PPIG: variants seen among roughly 807,000 people sequenced by gnomAD.
PPIG encodes the protein peptidyl-prolyl cis-trans isomerase G.
Under a neutral mutation model 87.9 loss-of-function variants are expected in PPIG, and 26 were observed. That is an observed-to-expected ratio of 0.30 (90% CI 0.22 to 0.41). The LOEUF (loss-of-function observed/expected upper bound fraction) is 0.41. PPIG is among the 10% of genes least tolerant of loss of function. PPIG has a pLI of 1.00. For synonymous variants in PPIG, 308 were observed against 276.5 expected (o/e 1.11, Z -1.13); for missense variants, 722 against 879.4 (o/e 0.82, Z 2.26).
intron 12 of PPIG, chr2:169,633,649 A>G (rs772730230): frequency 1.1e-4 from 25 of 219,712 alleles, no homozygotes; most frequent in Non-Finnish European, 2.1e-4. Context: ...AAACTTGGCT[A>G]TACTTTCCTG....
At chr2:169,616,846 G>A (rs1195317939) in intron 9 of PPIG, among the ~76,000 whole-genome samples, 1 of 152,106 alleles carries the variant, frequency 6.6e-6, no homozygotes, top group East Asian at 1.9e-4. Context: ...AAGCTCTTTA[G>A]TTTAATTAAA....
intron 9 of PPIG, among the ~76,000 whole-genome samples, chr2:169,627,989 C>T (rs1574461980): frequency 6.6e-6 from 1 of 151,806 alleles, no homozygotes; most frequent in Non-Finnish European, 1.5e-5. Context: ...ATTTTTTCCC[C>T]CTGCATATCC....
At chr2:169,597,741 CA>C (rs1413982421) in intron 1 of PPIG, among the ~76,000 whole-genome samples, 1 of 152,096 alleles carries the variant, frequency 6.6e-6, no homozygotes, top group Non-Finnish European at 1.5e-5. Context: ...TCAGGTGATC[CA>C]CTTGCCTTGA....
At chr2:169,592,565 G>A (rs9287916) in intron 1 of PPIG, among the ~76,000 whole-genome samples, 107,180 of 151,798 alleles carry the variant, frequency 0.71, 38,145 homozygotes, top group East Asian at 0.85. Context: ...CGGCCTCCCA[G>A]AGTGCTGGGA....
intron 4 of PPIG, among the ~76,000 whole-genome samples, chr2:169,605,473 A>G (rs968653564): frequency 1.3e-5 from 2 of 152,106 alleles, no homozygotes; most frequent in African/African-American, 4.8e-5. Flanking sequence ...ACTGCACTCC[A>G]GCCTGGGCGA....
In PPIG at chr2:169,601,624, A is replaced by G. The variant is rs1685186753; in HGVS notation, c.-69-2018A>G. Among the ~76,000 whole-genome samples the G allele has an allele frequency of 2.6e-5, 4 of 152,326 alleles. No individual in the cohort carries two copies. In the South Asian group the frequency reaches 8.3e-4, roughly 32 times the overall value. On this transcript the variant is annotated intron_variant, in intron 1 of 13. Transcript: ENST00000260970. Reference sequence around the variant, plus strand: ...GCATTCCAGGTGGAGAGAACAGCAAATGTAAAGGACCTGATGAAAGAGTAG... The same window carrying G: ...GCATTCCAGGTGGAGAGAACAGCAAGTGTAAAGGACCTGATGAAAGAGTAG...
rs989438202 is a variant in PPIG at position 169,639,631 on chromosome 2, A to T, written c.*2108A>T. ...CGCATTATTTATAGTCCTTATTTTA[A>T]AGTTTTATTAGCTCTCTTTACAGAA... On this transcript the variant is annotated 3_prime_UTR_variant, in exon 14 of 14. Coordinates refer to ENST00000260970, the MANE Select transcript of PPIG (RefSeq NM_004792.3). 1 of 152,140 alleles carries T rather than the reference A, an allele frequency of 6.6e-6. No individual in the cohort carries two copies. The highest frequency in any genetic ancestry group is 1.5e-5 in the Non-Finnish European group (1 of 67,974). The allele number at this position is 152,140 out of a possible 1,614,324, so 9.4% of individuals were successfully genotyped here.
Position 169,638,108 on chromosome 2 carries a change from G to A in PPIG, c.*585G>A, listed in dbSNP as rs897858619. On this transcript the variant is annotated 3_prime_UTR_variant, in exon 14 of 14. Transcript: ENST00000260970. ...TCTATTCTTTATAGTTCGAGCCATA[G>A]CTTGTTTCCTATTAATGCTTTTCCT... The A allele has an allele frequency of 2.6e-5, 4 of 152,036 alleles. No homozygotes were observed. Among genetic ancestry groups the A allele is most frequent in the Non-Finnish European group, 4.4e-5 (3 of 67,962 alleles). The allele number at this position is 152,036 out of a possible 1,614,324, so 9.4% of individuals were successfully genotyped here. A position where few individuals can be genotyped will look rare whatever the true frequency, so the allele number is the denominator to read the frequency against.
rs1427463157 is a variant in PPIG at position 169,640,996 on chromosome 2, TCTGA to T, written c.*3476_*3479del. 4 of 152,218 alleles carry T rather than the reference TCTGA, an allele frequency of 2.6e-5. No individual in the cohort carries two copies. Among genetic ancestry groups the T allele is most frequent in the African/African-American group, 7.2e-5 (3 of 41,462 alleles). The allele number at this position is 152,218 out of a possible 1,614,324, so 9.4% of individuals were successfully genotyped here. ...GGGAGTGGTGGGGTGGATTTGTGTT[TCTGA>T]CTTTTTTTCTTTAAGCAAATTCCAT... On this transcript the variant is annotated 3_prime_UTR_variant, in exon 14 of 14. Transcript: ENST00000260970.
At chr2:169,630,373 G>A (rs2105518007) in intron 9 of PPIG, among the ~76,000 whole-genome samples, 1 of 152,182 alleles carries the variant, frequency 6.6e-6, no homozygotes, top group East Asian at 1.9e-4. Flanking sequence ...CCATGTTGCT[G>A]TAAAGCAGTT....
intron 9 of PPIG, among the ~76,000 whole-genome samples, chr2:169,620,575 C>G (rs1475533624): frequency 6.6e-6 from 1 of 151,942 alleles, no homozygotes; most frequent in Non-Finnish European, 1.5e-5. Flanking sequence ...GGCTAGATGG[C>G]AATTCAAGAG....
chr2:169,606,873 T>A lies in PPIG; in HGVS notation c.245-231T>A, dbSNP rs114828704. ...TAATTAGAATCTGAAAGTTCTTTTT[T>A]AAAATATATTTTAATAGTCTTCGTC... On this transcript the variant is annotated intron_variant, in intron 5 of 13. Coordinates refer to ENST00000260970, the MANE Select transcript of PPIG (RefSeq NM_004792.3). Among the ~76,000 whole-genome samples, 881 of 152,292 alleles carry A rather than the reference T, an allele frequency of 5.8e-3. 4 individuals carry two copies. Among genetic ancestry groups the A allele is most frequent in the Non-Finnish European group, 9.9e-3 (676 of 68,010 alleles).
Position 169,630,968 on chromosome 2 carries a change from C to A in PPIG, c.742C>A (p.Arg248=). The change falls in exon 10 of 14, where the codon CGA becomes AGA. Residue 248 remains arginine (R), a synonymous_variant. Coordinates refer to ENST00000260970, the MANE Select transcript of PPIG (RefSeq NM_004792.3). The stretch of plus-strand genomic sequence containing the variant: ...AAAACACAAGAAAGAAAAGAAAAAG[C>A]GAAAGAAAAGCAAGAAGAGGTCTTA... ...SRKHKKEKKK[R]KKSKKSASSE... The A allele has an allele frequency of 6.3e-7, 1 of 1,593,096 alleles. No homozygotes were observed.
chr2:169,625,248 T>C (rs1328255367), intron 9 of PPIG, among the ~76,000 whole-genome samples: 1 of 152,230 alleles, frequency 6.6e-6, no homozygotes, highest in Non-Finnish European at 1.5e-5. Flanking sequence ...AATACATTTA[T>C]TTGGTTCGAA....
chr2:169,637,472 A>C lies in PPIG; in HGVS notation c.2214A>C (p.Lys738Asn), dbSNP rs762639025. The change falls in exon 14 of 14, where the codon AAA becomes AAC. Residue 738 changes from lysine (K) to asparagine (N), a missense_variant. Lys to Asn is a moderately conservative substitution (Grantham distance 94). This residue lies in a region of PPIG where 476 missense variants were observed against 483.1 expected (regional missense o/e 0.99). Coordinates refer to ENST00000260970, the MANE Select transcript of PPIG (RefSeq NM_004792.3). ...ATGACCATGTACATGAAAAAAATAA[A>C]AAATTTGATCATGAATCAAGCCCTG... The part of the protein sequence containing the change: ...QENDHVHEKN[K>N]KFDHESSPGT... The C allele has an allele frequency of 1.2e-6, 2 of 1,603,920 alleles. No individual in the cohort carries two copies. Among genetic ancestry groups the C allele is most frequent in the South Asian group, 2.3e-5 (2 of 88,576 alleles).
Position 169,638,172 on chromosome 2 carries a change from AAG to A in PPIG, c.*652_*653del, listed in dbSNP as rs1358913182. 1 of 152,050 alleles carries A rather than the reference AAG, an allele frequency of 6.6e-6. No homozygotes were observed. Among genetic ancestry groups the A allele is most frequent in the Non-Finnish European group, 1.5e-5 (1 of 67,954 alleles). 9.4% of individuals were successfully genotyped at this position (152,050 alleles called of 1,614,324 possible). On this transcript the variant is annotated 3_prime_UTR_variant, in exon 14 of 14. Transcript: ENST00000260970. Reference sequence around the variant, plus strand: ...TTACTTAACTGCCTATAAAAATCGTAAGAGTAATTTTTTTCAGTTGATGTACT... The same window carrying A: ...TTACTTAACTGCCTATAAAAATCGTAAGTAATTTTTTTCAGTTGATGTACT...
At chr2:169,597,716 C>A (rs1237107351) in intron 1 of PPIG, among the ~76,000 whole-genome samples, 1 of 152,068 alleles carries the variant, frequency 6.6e-6, no homozygotes, top group Non-Finnish European at 1.5e-5. Flanking sequence ...CCAGGCTGCT[C>A]TCAAACTCCT....
At chr2:169,598,372 G>A (rs1574439941) in intron 1 of PPIG, among the ~76,000 whole-genome samples, 1 of 151,742 alleles carries the variant, frequency 6.6e-6, no homozygotes, top group African/African-American at 2.4e-5. Flanking sequence ...CCCACTGCAA[G>A]CTCTGCCTCC....
At chr2:169,635,436 C>T (rs932943887) in intron 12 of PPIG, among the ~76,000 whole-genome samples, 1 of 152,144 alleles carries the variant, frequency 6.6e-6, no homozygotes, top group African/African-American at 2.4e-5. Context: ...CATCTTTTCC[C>T]TTTTCCTTTT....
Sources: gnomAD v4.1 joint callset for allele counts (sites outside exome capture counted in the v4.1 genomes callset) on GRCh38, gnomAD v4.1.1 for gene constraint, gnomAD v4.1.1 regional missense constraint, MANE v1.5 for transcripts, NCBI Gene and HGNC (gene_info 2026-07-23, HGNC 2026-07-21) for gene names.